CFAP20DC: variants seen among roughly 807,000 people sequenced by gnomAD.
The protein encoded by CFAP20DC is protein CFAP20DC.
A neutral mutation model predicts 101.7 loss-of-function variants in CFAP20DC; 84 were observed. The observed-to-expected ratio is 0.83, with a 90% CI of 0.69 to 0.99. The LOEUF is 0.99. Among genes scored for constraint, CFAP20DC ranks in the 50% least tolerant of loss-of-function variants. CFAP20DC has a pLI of 0.00. For missense variants in CFAP20DC, 1,007 were observed against 970.3 expected (o/e 1.04, Z -0.50); for synonymous variants, 359 against 351.2 (o/e 1.02, Z -0.25).
intron 10 of CFAP20DC, among the ~76,000 whole-genome samples, chr3:58,867,454 A>G (rs2079791500): frequency 6.6e-6 from 1 of 152,254 alleles, no homozygotes; most frequent in Non-Finnish European, 1.5e-5. Flanking sequence ...TCAATTTAAA[A>G]AGACACAAAT....
intron 6 of CFAP20DC, among the ~76,000 whole-genome samples, chr3:58,890,152 C>T (rs1235443979): frequency 6.6e-6 from 1 of 150,788 alleles, no homozygotes; most frequent in East Asian, 2.0e-4. Context: ...CCCCTCACCT[C>T]CCGGACGGGG....
intron 15 of CFAP20DC, among the ~76,000 whole-genome samples, chr3:58,794,542 T>A (rs1475387487): frequency 6.6e-6 from 1 of 152,218 alleles, no homozygotes; most frequent in Admixed American, 6.5e-5. Context: ...AAACAATGCA[T>A]TGCTAGAGTG....
At position 58,717,878 on chromosome 3, in the gene CFAP20DC, AG is replaced by A. The variant is rs1010689855; in HGVS notation, c.198-251del. 6.6e-6 allele frequency among the ~76,000 whole-genome samples: 1 copy of A among 152,176 alleles called. No individual in the cohort carries two copies. Among genetic ancestry groups the A allele is most frequent in the African/African-American group, 2.4e-5 (1 of 41,430 alleles). ...AACCAGAGTTGCATTAGGAAGATGA[AG>A]GGAAGGAGAAAATTGGGTAAACTAA... is the stretch of plus-strand genomic sequence containing the variant. On this transcript the variant is annotated intron_variant, in intron 3 of 3. Coordinates refer to the CFAP20DC transcript ENST00000486145. The surrounding 1 kb of genome is among the most constrained non-coding windows in gnomAD (Gnocchi z 4.1).
intron 6 of CFAP20DC, among the ~76,000 whole-genome samples, chr3:58,909,517 A>C (rs1159972573): frequency 6.6e-6 from 1 of 152,098 alleles, no homozygotes; most frequent in East Asian, 1.9e-4. Flanking sequence ...TTTATTCTTC[A>C]TGTTCAAACA....
chr3:58,936,979 G>T (rs2087765808), intron 5 of CFAP20DC, among the ~76,000 whole-genome samples: 1 of 151,126 alleles, frequency 6.6e-6, no homozygotes. Flanking sequence ...GAGAGATAGT[G>T]TTGATTTAAA....
chr3:58,891,250 C>G (rs1287681911), intron 6 of CFAP20DC, among the ~76,000 whole-genome samples: 31 of 152,024 alleles, frequency 2.0e-4, no homozygotes, highest in Admixed American at 2.0e-3. Flanking sequence ...CAGCGAAACC[C>G]CGTCTCCACC....
chr3:58,850,452 G>C (rs1382454587), intron 12 of CFAP20DC, among the ~76,000 whole-genome samples: 1 of 151,894 alleles, frequency 6.6e-6, no homozygotes, highest in African/African-American at 2.4e-5. Context: ...TCTGGGCGTG[G>C]TGATGCTTGC....
At chr3:58,815,100 T>G (rs2075004672) in intron 14 of CFAP20DC, among the ~76,000 whole-genome samples, 4 of 150,946 alleles carry the variant, frequency 2.6e-5, no homozygotes, top group African/African-American at 4.9e-5. Flanking sequence ...CTACCTGACT[T>G]CAAACTATAC....
At chr3:58,717,285 C>T (rs539464617), downstream of CFAP20DC, 27 of 173,502 alleles carry the variant, frequency 1.6e-4, no homozygotes, top group African/African-American at 6.2e-4. This position sits in a 1 kb window ranked among gnomAD's most constrained non-coding sequence, Gnocchi z 4.1. Context: ...AGCAAACCAT[C>T]ACACAAAACC....
chr3:58,871,508 C>T (rs1418237482), intron 7 of CFAP20DC, among the ~76,000 whole-genome samples: 3 of 151,776 alleles, frequency 2.0e-5, no homozygotes, highest in Admixed American at 6.6e-5. Context: ...TTATATGGGC[C>T]GCATGACTGA....
At chr3:58,801,199 C>G (rs894133903) in intron 15 of CFAP20DC, among the ~76,000 whole-genome samples, 4 of 152,084 alleles carry the variant, frequency 2.6e-5, no homozygotes, top group African/African-American at 9.7e-5. Context: ...CTCAAAAGAG[C>G]AGGTGTGAAA....
At chr3:58,838,667 T>C (rs1182398064) in intron 13 of CFAP20DC, among the ~76,000 whole-genome samples, 1 of 152,198 alleles carries the variant, frequency 6.6e-6, no homozygotes, top group East Asian at 1.9e-4. Flanking sequence ...TAAATAGAAA[T>C]ATACTTCCAT....
intron 5 of CFAP20DC, among the ~76,000 whole-genome samples, chr3:58,937,058 C>A (rs1203199483): frequency 6.6e-6 from 1 of 151,536 alleles, no homozygotes; most frequent in African/African-American, 2.4e-5. Flanking sequence ...ATTGAAATGA[C>A]TGAAGTTTGA....
At position 58,892,674 on chromosome 3, in the gene CFAP20DC, C is replaced by T. The variant is rs1223499693; in HGVS notation, c.551-7965G>A. Among the ~76,000 whole-genome samples, 1 of 152,168 alleles carries T rather than the reference C, an allele frequency of 6.6e-6. No homozygotes were observed. On this transcript the variant is annotated intron_variant, in intron 6 of 16. Coordinates refer to ENST00000482387, the MANE Select transcript of CFAP20DC (RefSeq NM_001394063.1). The surrounding 1 kb of genome is among the most constrained non-coding windows in gnomAD (Gnocchi z 4.0). ...TATAGGAATGCTAGCAATGTTTGCACATTTATTTTGTATCCTGAGATTTTG... is the reference window on the plus strand; with the variant it reads ...TATAGGAATGCTAGCAATGTTTGCATATTTATTTTGTATCCTGAGATTTTG...
At chr3:58,734,067 A>G (rs2067699204) in intron 3 of CFAP20DC, among the ~76,000 whole-genome samples, 1 of 152,172 alleles carries the variant, frequency 6.6e-6, no homozygotes, top group South Asian at 2.1e-4. Flanking sequence ...TGTTCTCATG[A>G]TAGTGAGTGA....
chr3:58,868,683 A>T lies in CFAP20DC; in HGVS notation c.1015+645T>A, dbSNP rs1415528637. Among the ~76,000 whole-genome samples, 2 of 152,158 alleles carry T rather than the reference A, an allele frequency of 1.3e-5. No homozygotes were observed. Among genetic ancestry groups the T allele is most frequent in the Non-Finnish European group, 2.9e-5 (2 of 67,996 alleles). ...TTTCAGTTTCATACTCCACGAGGGA[A>T]ATTTTCTGTGACAGTGATCATTAAT... On this transcript the variant is annotated intron_variant, in intron 9 of 16. Transcript: ENST00000482387. The surrounding 1 kb of genome is among the most constrained non-coding windows in gnomAD (Gnocchi z 4.6).
chr3:58,857,846 C>T (rs1259468179), intron 12 of CFAP20DC, among the ~76,000 whole-genome samples: 1 of 152,078 alleles, frequency 6.6e-6, no homozygotes, highest in Non-Finnish European at 1.5e-5. Flanking sequence ...CCTCTCTTTG[C>T]ATTGTTATGA....
In CFAP20DC at chr3:58,899,586, G is replaced by A. The variant is rs2082967400; in HGVS notation, c.550+14122C>T. Among the ~76,000 whole-genome samples, 1 of 152,140 alleles carries A rather than the reference G, an allele frequency of 6.6e-6. No individual in the cohort carries two copies. The highest frequency in any genetic ancestry group is 1.5e-5 in the Non-Finnish European group (1 of 68,032). On this transcript the variant is annotated intron_variant, in intron 6 of 16. Coordinates refer to ENST00000482387, the MANE Select transcript of CFAP20DC (RefSeq NM_001394063.1). This position sits in a 1 kb window ranked among gnomAD's most constrained non-coding sequence, Gnocchi z 5.0. Reference sequence around the variant, plus strand: ...CTCTGCTGGGACTCCACACAGCTCTGTTTATTGGACCCAGTACCCTGGTGG... The same window carrying A: ...CTCTGCTGGGACTCCACACAGCTCTATTTATTGGACCCAGTACCCTGGTGG...
chr3:59,040,057 A>G (rs1227716681), intron 3 of CFAP20DC, among the ~76,000 whole-genome samples: 1 of 152,060 alleles, frequency 6.6e-6, no homozygotes, highest in Non-Finnish European at 1.5e-5. Flanking sequence ...ACTTAATAAA[A>G]AACAATAGAT....
Sources: allele counts gnomAD v4.1 joint callset (sites outside exome capture counted in the v4.1 genomes callset), GRCh38; gene constraint gnomAD v4.1.1; non-coding constraint Gnocchi (gnomAD v3.1); transcripts MANE v1.5; gene names NCBI Gene and HGNC (gene_info 2026-07-23, HGNC 2026-07-21).